The following MTMR3 variants were observed in gnomAD, a reference collection of about 807,000 sequenced individuals.
The protein encoded by MTMR3 is phosphatidylinositol-3,5-bisphosphate 3-phosphatase MTMR3.
In MTMR3, 32 loss-of-function variants were observed where a neutral mutation model predicts 132.4. The observed-to-expected ratio is 0.24, with a 90% CI of 0.18 to 0.32. The LOEUF is 0.32. Among genes scored for constraint, MTMR3 ranks in the 10% least tolerant of loss-of-function variants. The pLI, the probability that MTMR3 is intolerant of heterozygous loss-of-function variation, is 1.00. For synonymous variants in MTMR3, 556 were observed against 550.3 expected (o/e 1.01, Z -0.14); for missense variants, 1,216 against 1,489.6 (o/e 0.82, Z 3.02).
At chr22:29,948,254 T>G (rs2065987765) in intron 1 of MTMR3, among the ~76,000 whole-genome samples, 1 of 152,230 alleles carries the variant, frequency 6.6e-6, no homozygotes, top group Admixed American at 6.5e-5. Context: ...AGAATGCATC[T>G]GCATTTTCAT....
intron 1 of MTMR3, among the ~76,000 whole-genome samples, chr22:29,906,662 A>G (rs1030404468): frequency 6.6e-6 from 1 of 152,092 alleles, no homozygotes; most frequent in Non-Finnish European, 1.5e-5. Flanking sequence ...CCCCGAAAGC[A>G]TTATTACTAT....
Position 30,025,756 on chromosome 22 carries a change from C to T in MTMR3, c.3552C>T (p.Ser1184=). The T allele has an allele frequency of 6.2e-7, 1 of 1,614,228 alleles. No homozygotes were observed. The highest frequency in any genetic ancestry group is 1.3e-5 in the African/African-American group (1 of 75,064). Residue 1184 remains serine, a synonymous_variant, in exon 20 of 20, where the codon AGC becomes AGT. Coordinates refer to ENST00000401950, the MANE Select transcript of MTMR3 (RefSeq NM_021090.4). The stretch of plus-strand genomic sequence containing the variant: ...GCAGCCTACATCCCACAAGCTCCAG[C>T]ATTGACCTTGAACTGGATAAGCCCA... The part of the protein sequence containing the change: ...CYSSLHPTSS[S]IDLELDKPIA...
chr22:29,897,333 C>T lies in MTMR3; in HGVS notation c.-138+13974C>T, dbSNP rs190134651. 2.6e-5 allele frequency among the ~76,000 whole-genome samples: 4 copies of T among 152,128 alleles called. No individual in the cohort carries two copies. The East Asian group carries it at 5.8e-4, about 22-fold the overall frequency. The stretch of plus-strand genomic sequence containing the variant: ...CTTGTGATTGGCCTGCCTTGGCCTC[C>T]CAAAGTGCTGGGATTACAGGCGTAA... On this transcript the variant is annotated intron_variant, in intron 1 of 19. Coordinates refer to ENST00000401950, the MANE Select transcript of MTMR3 (RefSeq NM_021090.4).
chr22:29,914,873 C>A (rs1039515852), intron 1 of MTMR3, among the ~76,000 whole-genome samples: 1 of 152,112 alleles, frequency 6.6e-6, no homozygotes, highest in South Asian at 2.1e-4. Flanking sequence ...TACTACTATT[C>A]AGTTTGAATA....
intron 1 of MTMR3, among the ~76,000 whole-genome samples, chr22:29,928,194 C>T (rs1047409315): frequency 2.0e-5 from 2 of 100,402 alleles, no homozygotes; most frequent in Admixed American, 1.2e-4. Flanking sequence ...TTTTTTTAGA[C>T]AAAGTCTTGC....
chr22:29,934,833 G>A (rs566967804), intron 1 of MTMR3, among the ~76,000 whole-genome samples: 124 of 152,282 alleles, frequency 8.1e-4, no homozygotes, highest in Middle Eastern at 6.8e-3. Context: ...AAGATAGTGC[G>A]TAAAAAGTAC....
intron 1 of MTMR3, among the ~76,000 whole-genome samples, chr22:29,902,406 GTT>G (rs534691732): frequency 1.5e-5 from 2 of 134,472 alleles, no homozygotes; most frequent in Non-Finnish European, 1.6e-5. Context: ...GGTTATGAAA[GTT>G]TTTTTTTTTT....
At chr22:29,955,156 T>C (rs1414208630) in intron 1 of MTMR3, among the ~76,000 whole-genome samples, 2 of 152,222 alleles carry the variant, frequency 1.3e-5, no homozygotes, top group Non-Finnish European at 1.5e-5. Context: ...TGCCCAGCTT[T>C]TTAAATTTTT....
chr22:29,953,201 G>A (rs142511685), intron 1 of MTMR3, among the ~76,000 whole-genome samples: 102 of 152,304 alleles, frequency 6.7e-4, no homozygotes, highest in African/African-American at 2.3e-3. Context: ...AAAGTATTCT[G>A]TTGTTCTTTT....
chr22:29,986,487 A>G, intron 5 of MTMR3: 3 of 708,088 alleles, frequency 4.2e-6, no homozygotes, highest in African/African-American at 1.9e-5. Context: ...TCTCTGATAA[A>G]TTGTAGGTTT....
In MTMR3 at chr22:30,003,220, A is replaced by G. The variant is rs2067209991; in HGVS notation, c.671+227A>G. ...CATTTGAAACAGATAAGAAAGTTTT[A>G]GTTGTAAAGTGGCTGGACTTGCTAT... On this transcript the variant is annotated intron_variant, in intron 9 of 19. Coordinates refer to ENST00000401950, the MANE Select transcript of MTMR3 (RefSeq NM_021090.4). 4 of 404,508 alleles carry G rather than the reference A, an allele frequency of 9.9e-6. No homozygotes were observed. The Admixed American group carries it at 1.2e-4, about 12-fold the overall frequency. 25.1% of individuals were successfully genotyped at this position (404,508 alleles called of 1,614,324 possible). A position where few individuals can be genotyped will look rare whatever the true frequency, so the allele number is the denominator to read the frequency against.
intron 8 of MTMR3, chr22:30,001,372 C>G (rs954754082): frequency 1.3e-5 from 2 of 152,366 alleles, no homozygotes; most frequent in African/African-American, 4.8e-5. Flanking sequence ...GCCTGGGCGA[C>G]AGAGCGAGAC....
At chr22:29,957,294 T>A (rs1215364671) in intron 2 of MTMR3, among the ~76,000 whole-genome samples, 1 of 150,296 alleles carries the variant, frequency 6.7e-6, no homozygotes, top group African/African-American at 2.5e-5. Context: ...TCATACCAGG[T>A]CACTTTTTCT....
intron 1 of MTMR3, among the ~76,000 whole-genome samples, chr22:29,952,349 T>C (rs1311854195): frequency 1.3e-5 from 2 of 151,958 alleles, no homozygotes; most frequent in Non-Finnish European, 2.9e-5. Flanking sequence ...CCCTGAAAAC[T>C]TCCAGACCTT....
rs1187361316 is a variant in MTMR3, at chr22:30,029,986, C to G, written c.*4185C>G. 1 of 152,308 alleles carries G rather than the reference C, an allele frequency of 6.6e-6. No homozygotes were observed. Among genetic ancestry groups the G allele is most frequent in the Non-Finnish European group, 1.5e-5 (1 of 68,048 alleles). 9.4% of individuals were successfully genotyped at this position (152,308 alleles called of 1,614,324 possible). A position where few individuals can be genotyped will look rare whatever the true frequency, so the allele number is the denominator to read the frequency against. Reference sequence around the variant, plus strand: ...CACTTAAACACGAGTCCTGCTGTCCCCAGCACACAACTGCACTGAAGCCTT... The same window carrying G: ...CACTTAAACACGAGTCCTGCTGTCCGCAGCACACAACTGCACTGAAGCCTT... On this transcript the variant is annotated 3_prime_UTR_variant, in exon 20 of 20. Coordinates refer to ENST00000401950, the MANE Select transcript of MTMR3 (RefSeq NM_021090.4).
intron 2 of MTMR3, among the ~76,000 whole-genome samples, chr22:29,967,193 T>TGTGTGTG (rs2066439375): frequency 1.4e-5 from 2 of 141,958 alleles, no homozygotes; most frequent in African/African-American, 5.4e-5. Flanking sequence ...TTCACCTCTG[T>TGTGTGTG]TGTGTGTGTG....
chr22:30,028,864 G>T lies in MTMR3; in HGVS notation c.*3063G>T, dbSNP rs1433487011. 6.6e-6 allele frequency: 1 copy of T among 152,384 alleles called. No homozygotes were observed. Among genetic ancestry groups the T allele is most frequent in the Non-Finnish European group, 1.5e-5 (1 of 68,064 alleles). 9.4% of individuals were successfully genotyped at this position (152,384 alleles called of 1,614,324 possible). A position where few individuals can be genotyped will look rare whatever the true frequency, so the allele number is the denominator to read the frequency against. ...GAATGTGCCATCTCAGCTACCCTCA[G>T]TCCGCCAGGCAGCCCAGTCTGTGTA... is the stretch of plus-strand genomic sequence containing the variant. On this transcript the variant is annotated 3_prime_UTR_variant, in exon 20 of 20. Coordinates refer to ENST00000401950, the MANE Select transcript of MTMR3 (RefSeq NM_021090.4).
chr22:29,982,937 T>TTGTGTGTGTGTGTGTGTGTG (rs144471515), intron 5 of MTMR3: 6 of 146,274 alleles, frequency 4.1e-5, no homozygotes, highest in Non-Finnish European at 4.5e-5. Context: ...AAAAGTTTGT[T>TTGTGTGTGTGTGTGTGTGTG]TGTGTGTGTG....
chr22:29,955,844 C>G (rs1249741040), intron 1 of MTMR3, among the ~76,000 whole-genome samples: 1 of 152,130 alleles, frequency 6.6e-6, no homozygotes, highest in African/African-American at 2.4e-5. Context: ...CTCCACCTCC[C>G]GGGTTTGAGT....
Sources: gnomAD v4.1 joint callset for allele counts (sites outside exome capture counted in the v4.1 genomes callset) on GRCh38, gnomAD v4.1.1 for gene constraint, MANE v1.5 for transcripts, NCBI Gene and HGNC (gene_info 2026-07-23, HGNC 2026-07-21) for gene names.